Variants in SLC49A4 observed in about 807,000 individuals in gnomAD.
The protein encoded by SLC49A4 is solute carrier family 49 member 4.
Under a neutral mutation model 50.6 loss-of-function variants are expected in SLC49A4, and 36 were observed. That is an observed-to-expected ratio of 0.71 (90% CI 0.55 to 0.94). SLC49A4 has a LOEUF of 0.94. Ranked by LOEUF, SLC49A4 falls within the 40% of genes least tolerant of loss-of-function variation. The pLI is 0.00. For missense variants in SLC49A4, 503 were observed against 605.7 expected, an observed-to-expected ratio of 0.83 and a Z score of 1.78; for synonymous variants, 248 against 241.2, an observed-to-expected ratio of 1.03 and a Z score of -0.26.
At chr3:122,798,933 G>C (rs1279719821) in intron 1 of SLC49A4, among the ~76,000 whole-genome samples, 1 of 151,966 alleles carries the variant, frequency 6.6e-6, no homozygotes, top group Non-Finnish European at 1.5e-5. Flanking sequence ...CCTTTGTGCT[G>C]CCTCACGCCC....
rs544600625 is a variant in SLC49A4, at chr3:122,862,153, T to C, written c.1138+1951T>C. Among the ~76,000 whole-genome samples the C allele has an allele frequency of 2.9e-3, 447 of 152,324 alleles. 1 individual carries two copies. Among genetic ancestry groups the C allele is most frequent in the South Asian group, 8.5e-3 (41 of 4,828 alleles). ...GTTCTTTAAGGATGAAATAAAAATA[T>C]ATTTCTTTCAGCTTATGAGTATTAT... On this transcript the variant is annotated intron_variant, in intron 7 of 8. Transcript: ENST00000261038.
At chr3:122,857,059 A>G (rs983412667) in intron 6 of SLC49A4, among the ~76,000 whole-genome samples, 17 of 152,156 alleles carry the variant, frequency 1.1e-4, no homozygotes, top group African/African-American at 3.9e-4. Context: ...AGAAGAAATC[A>G]TTTGTAAAAG....
At chr3:122,869,652 A>C (rs1458445632) in intron 7 of SLC49A4, among the ~76,000 whole-genome samples, 1 of 152,252 alleles carries the variant, frequency 6.6e-6, no homozygotes, top group African/African-American at 2.4e-5. Context: ...TACTCACCAG[A>C]AGATGAGCTA....
intron 5 of SLC49A4, 77 bp downstream of exon 5, chr3:122,845,948 T>C: frequency 9.3e-7 from 1 of 1,077,182 alleles, no homozygotes; most frequent in Non-Finnish European, 1.3e-6. Context: ...GTGTTCTTGG[T>C]TTTAGCTTCA....
intron 4 of SLC49A4, among the ~76,000 whole-genome samples, chr3:122,840,310 CAA>C (rs1936754016): frequency 6.6e-6 from 1 of 152,136 alleles, no homozygotes; most frequent in Admixed American, 6.5e-5. Context: ...GCAGGTGCAC[CAA>C]AGTCTCAGAC....
In SLC49A4 at chr3:122,872,441, C is replaced by T. The variant is rs1352209016; in HGVS notation, c.1165C>T (p.Leu389=). ...TVTLYASCIL[L]GVFLNSSVPI... The stretch of plus-strand genomic sequence containing the variant: ...GACATTGTATGCCTCCTGTATTCTC[C>T]TGGGAGTGTTCTTGAATAGCAGCGT... The change falls in exon 8 of 9, where the codon CTG becomes TTG. Residue 389 remains leucine, a synonymous_variant. Transcript: ENST00000261038. 6.2e-7 allele frequency: 1 copy of T among 1,613,450 alleles called. No individual in the cohort carries two copies. The highest frequency in any genetic ancestry group is 2.2e-5 in the East Asian group (1 of 44,862).
At chr3:122,870,961 A>G (rs1357432840) in intron 7 of SLC49A4, among the ~76,000 whole-genome samples, 2 of 152,074 alleles carry the variant, frequency 1.3e-5, no homozygotes, top group Non-Finnish European at 2.9e-5. Context: ...AGAAAATGTG[A>G]TTGATTTATT....
At chr3:122,849,609 G>A (rs1431794692) in intron 5 of SLC49A4, among the ~76,000 whole-genome samples, 4 of 151,774 alleles carry the variant, frequency 2.6e-5, no homozygotes, top group Admixed American at 6.6e-5. Flanking sequence ...TATATTTGTT[G>A]GCCATTATAT....
intron 8 of SLC49A4, among the ~76,000 whole-genome samples, chr3:122,878,075 T>A (rs1308045855): frequency 6.6e-6 from 1 of 152,202 alleles, no homozygotes; most frequent in Non-Finnish European, 1.5e-5. Flanking sequence ...GTTTTCTGAT[T>A]TCCATTCCTG....
At chr3:122,851,585 C>A (rs907524877) in intron 5 of SLC49A4, among the ~76,000 whole-genome samples, 3 of 152,056 alleles carry the variant, frequency 2.0e-5, no homozygotes, top group Non-Finnish European at 4.4e-5. Context: ...AGCAGTTTTG[C>A]TTTGATATGA....
At chr3:122,828,610 T>C (rs750643608) in intron 3 of SLC49A4, among the ~76,000 whole-genome samples, 11 of 152,144 alleles carry the variant, frequency 7.2e-5, no homozygotes, top group Admixed American at 2.0e-4. Flanking sequence ...CACCACATTG[T>C]AGGCAAAGGC....
At chr3:122,842,415 G>A (rs967080218) in intron 4 of SLC49A4, among the ~76,000 whole-genome samples, 107 of 148,754 alleles carry the variant, frequency 7.2e-4, no homozygotes, top group African/African-American at 2.6e-3. Flanking sequence ...GAACCCGGGA[G>A]GCGGAGCTTG....
chr3:122,807,938 A>G (rs756127134), intron 2 of SLC49A4, among the ~76,000 whole-genome samples: 4 of 152,170 alleles, frequency 2.6e-5, no homozygotes, highest in African/African-American at 2.4e-5. Flanking sequence ...TATATTCACT[A>G]TGGATTGAGA....
chr3:122,827,100 T>G, intron 3 of SLC49A4, 35 bp downstream of exon 3: 3 of 1,584,224 alleles, frequency 1.9e-6, no homozygotes, highest in Non-Finnish European at 2.6e-6. Flanking sequence ...TGTTATACTT[T>G]GTCTTTTATC....
chr3:122,819,823 C>A (rs1191587383), intron 2 of SLC49A4, among the ~76,000 whole-genome samples: 1 of 150,996 alleles, frequency 6.6e-6, no homozygotes, highest in African/African-American at 2.4e-5. Flanking sequence ...AAACACATGA[C>A]TTTTTTTTAA....
intron 4 of SLC49A4, among the ~76,000 whole-genome samples, chr3:122,834,106 T>C (rs1056217589): frequency 1.3e-5 from 2 of 152,196 alleles, no homozygotes; most frequent in African/African-American, 4.8e-5. Context: ...CACTAGACTT[T>C]GTCATTTGAA....
At chr3:122,808,125 A>G (rs1276185928) in intron 2 of SLC49A4, among the ~76,000 whole-genome samples, 1 of 152,190 alleles carries the variant, frequency 6.6e-6, no homozygotes, top group African/African-American at 2.4e-5. Context: ...TGGGAATATG[A>G]CAGAAGACAA....
intron 3 of SLC49A4, among the ~76,000 whole-genome samples, chr3:122,830,918 T>A (rs1459294993): frequency 6.6e-6 from 1 of 152,104 alleles, no homozygotes; most frequent in East Asian, 1.9e-4. Flanking sequence ...TATAAAGCAT[T>A]CTTACAACTC....
At chr3:122,865,440 AG>A (rs1447027686) in intron 7 of SLC49A4, among the ~76,000 whole-genome samples, 1 of 152,158 alleles carries the variant, frequency 6.6e-6, no homozygotes. Flanking sequence ...AATCAGAAGT[AG>A]GTTATGAAGG....
Sources: allele counts gnomAD v4.1 joint callset (sites outside exome capture counted in the v4.1 genomes callset), GRCh38; gene constraint gnomAD v4.1.1; transcripts MANE v1.5; gene names NCBI Gene and HGNC (gene_info 2026-07-23, HGNC 2026-07-21).